Variants in GNA11 observed in about 807,000 individuals in gnomAD.
The protein encoded by GNA11 is guanine nucleotide-binding protein subunit alpha-11.
GNA11 carries 8 observed loss-of-function variants against 38.2 expected under a neutral mutation model. The observed-to-expected ratio is 0.21, with a 90% CI of 0.12 to 0.38. The LOEUF (loss-of-function observed/expected upper bound fraction) is 0.38. GNA11 is among the 10% of genes least tolerant of loss of function. The pLI is 1.00. For missense variants in GNA11, 268 were observed against 516.3 expected, an observed-to-expected ratio of 0.52 and a Z score of 4.66; for synonymous variants, 211 against 221.4, an observed-to-expected ratio of 0.95 and a Z score of 0.42.
In GNA11 at chr19:3,122,525, G is replaced by T; in HGVS notation, c.*1346G>T. On this transcript the variant is annotated 3_prime_UTR_variant, in exon 7 of 7. Coordinates refer to ENST00000078429, the MANE Select transcript of GNA11 (RefSeq NM_002067.5). The surrounding 1 kb of genome is among the most constrained non-coding windows in gnomAD (Gnocchi z 7.7). Reference sequence around the variant, plus strand: ...CTTGAGGCACTGAGGCACCGAGACTGGTTCTCCCCGAGAGACTCGGAAGGT... The same window carrying T: ...CTTGAGGCACTGAGGCACCGAGACTTGTTCTCCCCGAGAGACTCGGAAGGT... The T allele has an allele frequency of 4.3e-6, 1 of 232,736 alleles. No homozygotes were observed. Among genetic ancestry groups the T allele is most frequent in the Non-Finnish European group, 8.5e-6 (1 of 117,760 alleles). 14.4% of individuals were successfully genotyped at this position (232,736 alleles called of 1,614,324 possible).
rs910150025 is a variant in GNA11 at position 3,122,762 on chromosome 19, C to G, written c.*1583C>G. On this transcript the variant is annotated 3_prime_UTR_variant, in exon 7 of 7. Coordinates refer to ENST00000078429, the MANE Select transcript of GNA11 (RefSeq NM_002067.5). This position sits in a 1 kb window ranked among gnomAD's most constrained non-coding sequence, Gnocchi z 7.7. Reference sequence around the variant, plus strand: ...AGCCCCAAAATACGACCACTCCAACCAGCAGTTCCCGCCTGCCTGCCCGCC... The same window carrying G: ...AGCCCCAAAATACGACCACTCCAACGAGCAGTTCCCGCCTGCCTGCCCGCC... 5.6e-5 allele frequency: 13 copies of G among 233,618 alleles called. No individual in the cohort carries two copies. The highest frequency in any genetic ancestry group is 8.8e-5 in the African/African-American group (4 of 45,372). 14.5% of individuals were successfully genotyped at this position (233,618 alleles called of 1,614,324 possible).
Position 3,097,782 on chromosome 19 carries a change from A to T in GNA11, c.136+2995A>T, listed in dbSNP as rs563244822. Among the ~76,000 whole-genome samples the T allele has an allele frequency of 9.9e-5, 15 of 152,262 alleles. No individual in the cohort carries two copies. The South Asian group carries it at 2.3e-3, about 23-fold the overall frequency. On this transcript the variant is annotated intron_variant, in intron 1 of 6. Coordinates refer to ENST00000078429, the MANE Select transcript of GNA11 (RefSeq NM_002067.5). ...TCAGATGGGCCTCTCCGTTACGTAC[A>T]ACAGGTCTCCCCGGGGCCCTGTGCA...
intron 2 of GNA11, among the ~76,000 whole-genome samples, chr19:3,112,176 G>C (rs1467309184): frequency 2.0e-5 from 3 of 152,260 alleles, no homozygotes; most frequent in Non-Finnish European, 4.4e-5. Context: ...GCAGATTGCT[G>C]CTGTCTAATC....
In GNA11 at chr19:3,113,471, G is replaced by A. The variant is rs779191241; in HGVS notation, c.463G>A (p.Asp155Asn). ...YDRRREYQLS[D>N]SAKYYLTDVD... ...CCGCAGGCGCGAGTACCAGCTCTCC[G>A]ACTCTGCCAAGTAGTAAGTGCGGCC... The change falls in exon 3 of 7, where the codon GAC becomes AAC. Residue 155 changes from aspartate (D) to asparagine (N), a missense_variant. Physicochemically the swap from Asp to Asn is conservative, Grantham distance 23 (BLOSUM62 1). Around this residue, in one of 3 missense-constraint regions of GNA11, gnomAD observed 151 missense variants for 254.0 expected, o/e 0.59. Coordinates refer to ENST00000078429, the MANE Select transcript of GNA11 (RefSeq NM_002067.5). 3 of 1,604,564 alleles carry A rather than the reference G, an allele frequency of 1.9e-6. No homozygotes were observed. The highest frequency in any genetic ancestry group is 2.2e-5 in the South Asian group (2 of 90,078).
rs1184899104 is a variant in GNA11, at chr19:3,108,810, G to GA, written c.137-1339_137-1338insA. Reference sequence around the variant, plus strand: ...TTGTAGTCAGGATACCAGCCAAGCAGGGGCCACATCATTTGAAGGCTGGAC... The same window carrying GA: ...TTGTAGTCAGGATACCAGCCAAGCAGAGGGCCACATCATTTGAAGGCTGGAC... On this transcript the variant is annotated intron_variant, in intron 1 of 6. Coordinates refer to ENST00000078429, the MANE Select transcript of GNA11 (RefSeq NM_002067.5). This position sits in a 1 kb window ranked among gnomAD's most constrained non-coding sequence, Gnocchi z 4.5. Among the ~76,000 whole-genome samples the GA allele has an allele frequency of 6.6e-6, 1 of 152,148 alleles. No individual in the cohort carries two copies. The highest frequency in any genetic ancestry group is 1.5e-5 in the Non-Finnish European group (1 of 68,046).
intron 1 of GNA11, among the ~76,000 whole-genome samples, chr19:3,101,743 CG>C (rs2054555590): frequency 1.3e-5 from 2 of 152,110 alleles, no homozygotes; most frequent in South Asian, 2.1e-4. Flanking sequence ...CCCAGGCTGT[CG>C]GGGGGCTTCA....
At chr19:3,106,771 C>G (rs1467943674) in intron 1 of GNA11, among the ~76,000 whole-genome samples, 1 of 152,238 alleles carries the variant, frequency 6.6e-6, no homozygotes, top group African/African-American at 2.4e-5. Context: ...TGGGTGTGCA[C>G]GTGTGCATTG....
rs560406435 is a variant in GNA11, at chr19:3,120,222, G to A, written c.890-767G>A. ...TCTGGCACACGGTATAGCCTCGGCC[G>A]CTGGCTGCAGGCGCAGGGCCCTGCT... is the stretch of plus-strand genomic sequence containing the variant. On this transcript the variant is annotated intron_variant, in intron 6 of 6. Transcript: ENST00000078429. This position sits in a 1 kb window ranked among gnomAD's most constrained non-coding sequence, Gnocchi z 5.9. 1.7e-4 allele frequency among the ~76,000 whole-genome samples: 26 copies of A among 152,230 alleles called. No homozygotes were observed. Among genetic ancestry groups the A allele is most frequent in the African/African-American group, 4.6e-4 (19 of 41,546 alleles).
chr19:3,116,603 GA>G (rs760564761), intron 4 of GNA11, among the ~76,000 whole-genome samples: 6 of 152,232 alleles, frequency 3.9e-5, no homozygotes, highest in East Asian at 1.9e-4. Flanking sequence ...ACCTCTGTGT[GA>G]CGTTATCCTA....
At chr19:3,118,676 C>G in intron 4 of GNA11, 1 of 475,166 alleles carries the variant, frequency 2.1e-6, no homozygotes, top group Non-Finnish European at 3.8e-6. Context: ...CACACTAGCG[C>G]CCGCTTCCCT....
intron 1 of GNA11, among the ~76,000 whole-genome samples, chr19:3,098,316 C>G (rs1049967495): frequency 2.0e-5 from 3 of 152,364 alleles, no homozygotes; most frequent in East Asian, 3.9e-4. Context: ...TCCTGGGGTC[C>G]GCCCTGTGGC....
chr19:3,096,451 C>T (rs1428511685), intron 1 of GNA11, among the ~76,000 whole-genome samples: 2 of 152,182 alleles, frequency 1.3e-5, no homozygotes, highest in Non-Finnish European at 2.9e-5. Flanking sequence ...AAGATCTTAC[C>T]AGATGGCCTT....
In GNA11 at chr19:3,120,031, G is replaced by A. The variant is rs937394161; in HGVS notation, c.889+672G>A. ...TGTGTGGTCAGTGGCTGCCGTTAGT[G>A]CTGTCACCACTCAGAGCTGTCCCTG... On this transcript the variant is annotated intron_variant, in intron 6 of 6. Transcript: ENST00000078429. This position sits in a 1 kb window ranked among gnomAD's most constrained non-coding sequence, Gnocchi z 5.9. Among the ~76,000 whole-genome samples the A allele has an allele frequency of 6.6e-6, 1 of 152,092 alleles. No individual in the cohort carries two copies. Among genetic ancestry groups the A allele is most frequent in the Non-Finnish European group, 1.5e-5 (1 of 67,990 alleles).
At chr19:3,113,823 G>A (rs1913841364) in intron 3 of GNA11, among the ~76,000 whole-genome samples, 1 of 152,190 alleles carries the variant, frequency 6.6e-6, no homozygotes, top group Non-Finnish European at 1.5e-5. Context: ...CTCCTAGGAG[G>A]GCCGTGGGAT....
rs1914006634 is a variant in GNA11, at chr19:3,119,327, C to T, written c.857C>T (p.Ser286Leu). The T allele has an allele frequency of 1.2e-6, 2 of 1,613,846 alleles. No individual in the cohort carries two copies. The highest frequency in any genetic ancestry group is 1.1e-5 in the South Asian group (1 of 91,078). The change falls in exon 6 of 7, where the codon TCG becomes TTG. Residue 286 changes from serine (S) to leucine (L), a missense_variant. Physicochemically the swap from Ser to Leu is moderately radical, Grantham distance 145. Transcript: ENST00000078429. The surrounding 1 kb of genome is among the most constrained non-coding windows in gnomAD (Gnocchi z 4.6). ...CTGCTGGAGGACAAGATCCTGTACTCGCACCTGGTGGACTACTTCCCCGAG... is the reference window on the plus strand; with the variant it reads ...CTGCTGGAGGACAAGATCCTGTACTTGCACCTGGTGGACTACTTCCCCGAG... ...KDLLEDKILY[S>L]HLVDYFPEFD...
intron 1 of GNA11, among the ~76,000 whole-genome samples, chr19:3,107,731 G>A (rs1203361801): frequency 6.6e-6 from 1 of 152,188 alleles, no homozygotes; most frequent in African/African-American, 2.4e-5. Context: ...GTGCTCCTGA[G>A]ATGGAGTGGG....
At chr19:3,099,755 G>T (rs1037270432) in intron 1 of GNA11, among the ~76,000 whole-genome samples, 1 of 152,236 alleles carries the variant, frequency 6.6e-6, no homozygotes, top group African/African-American at 2.4e-5. Flanking sequence ...TCCTGGTCCA[G>T]CCTGGCCTCC....
chr19:3,118,807 T>C, intron 4 of GNA11, 117 bp from the exon 5 acceptor site: 6 of 960,572 alleles, frequency 6.2e-6, no homozygotes, highest in Non-Finnish European at 9.7e-6. Context: ...GGGCTCTTCC[T>C]GCTCCAGCCG....
Position 3,103,519 on chromosome 19 carries a change from C to CTTTTTTTTTTTTTTTTTTTTT in GNA11, c.137-6619_137-6599dup, listed in dbSNP as rs760497682. Among the ~76,000 whole-genome samples, 4 of 45,800 alleles carry CTTTTTTTTTTTTTTTTTTTTT rather than the reference C, an allele frequency of 8.7e-5. 1 individual carries two copies. The highest frequency in any genetic ancestry group is 1.6e-4 in the Non-Finnish European group (4 of 25,134). The allele number at this position is 45,800 out of a possible 152,430, so 30.0% of individuals were successfully genotyped here. On this transcript the variant is annotated intron_variant, in intron 1 of 6. Transcript: ENST00000078429. ...TGAGCCACTGCGCCCGGCCTTGAATCTTTTTTTTTTTTTTTTTTTTTTTTT... is the reference window on the plus strand; with the variant it reads ...TGAGCCACTGCGCCCGGCCTTGAATCTTTTTTTTTTTTTTTTTTTTTTTTTTTTTTTTTTTTTTTTTTTTTT...
Sources: gnomAD v4.1 joint callset for allele counts (sites outside exome capture counted in the v4.1 genomes callset) on GRCh38, gnomAD v4.1.1 for gene constraint, gnomAD v4.1.1 regional missense constraint, Gnocchi (gnomAD v3.1) non-coding constraint, MANE v1.5 for transcripts, NCBI Gene and HGNC (gene_info 2026-07-23, HGNC 2026-07-21) for gene names.